CFDP1: variants seen among roughly 807,000 people sequenced by gnomAD.
CFDP1 encodes the protein chromatin remodeling protein CFDP1.
Under a neutral mutation model 40.1 loss-of-function variants are expected in CFDP1, and 31 were observed. The ratio of observed to expected loss-of-function variants is 0.77; its 90% CI spans 0.58 to 1.04. The LOEUF is 1.04. Ranked by LOEUF, CFDP1 falls within the 50% of genes least tolerant of loss-of-function variation. The pLI is 0.00. For missense variants in CFDP1, 423 were observed against 343.4 expected (o/e 1.23, Z -1.83); for synonymous variants, 167 against 120.0 (o/e 1.39, Z -2.56).
intron 5 of CFDP1, among the ~76,000 whole-genome samples, chr16:75,307,366 C>T (rs1303000746): frequency 6.6e-6 from 1 of 151,952 alleles, no homozygotes; most frequent in African/African-American, 2.4e-5. Context: ...CAGGCGCCTG[C>T]CACCACACCT....
intron 1 of CFDP1, among the ~76,000 whole-genome samples, chr16:75,425,909 G>A (rs1270045630): frequency 1.3e-5 from 2 of 150,726 alleles, no homozygotes; most frequent in African/African-American, 2.4e-5. Context: ...GGTGGCAGGC[G>A]CCTATAATCC....
intron 1 of CFDP1, among the ~76,000 whole-genome samples, chr16:75,420,212 G>A (rs2079262532): frequency 6.6e-6 from 1 of 151,630 alleles, no homozygotes; most frequent in South Asian, 2.1e-4. Context: ...AAGTTCCAAA[G>A]GAAAAAACAA....
intron 4 of CFDP1, 49 bp from the exon 5 acceptor site, chr16:75,395,258 G>A (rs1264433399): frequency 1.3e-6 from 2 of 1,594,142 alleles, no homozygotes; most frequent in Admixed American, 3.5e-5. Context: ...TAAAGAGAAA[G>A]AAACAAGCTA....
chr16:75,369,365 A>C (rs963135291), intron 5 of CFDP1, among the ~76,000 whole-genome samples: 1 of 152,006 alleles, frequency 6.6e-6, no homozygotes, highest in Non-Finnish European at 1.5e-5. Context: ...CCTTAGCAAT[A>C]TAGCAAAAGT....
At chr16:75,294,229 G>A (rs1018018986) in intron 6 of CFDP1, among the ~76,000 whole-genome samples, 187 bp from the exon 7 acceptor site, 2 of 152,168 alleles carry the variant, frequency 1.3e-5, no homozygotes, top group African/African-American at 4.8e-5. Context: ...ATAAAAGGAA[G>A]GCAACAGCTT....
intron 1 of CFDP1, among the ~76,000 whole-genome samples, chr16:75,422,502 C>G (rs185385659): frequency 2.0e-5 from 3 of 149,656 alleles, no homozygotes; most frequent in East Asian, 4.0e-4. Flanking sequence ...TCAAGTGATT[C>G]TCCTGCCTCA....
intron 4 of CFDP1, among the ~76,000 whole-genome samples, chr16:75,395,527 C>T (rs547949595): frequency 4.5e-4 from 68 of 152,004 alleles, no homozygotes; most frequent in Non-Finnish European, 7.1e-4. Context: ...GGCGTGGTGG[C>T]GGGCGCCTGT....
intron 5 of CFDP1, among the ~76,000 whole-genome samples, chr16:75,351,042 C>T (rs2078606964): frequency 6.6e-6 from 1 of 151,956 alleles, no homozygotes; most frequent in Admixed American, 6.5e-5. Flanking sequence ...CCAATTTAAA[C>T]CATTTGTACT....
chr16:75,335,817 A>T (rs1367671370), intron 5 of CFDP1, among the ~76,000 whole-genome samples: 2 of 152,024 alleles, frequency 1.3e-5, no homozygotes, highest in East Asian at 1.9e-4. Flanking sequence ...CGGCCTCCCA[A>T]AGTGCTGGGA....
intron 1 of CFDP1, among the ~76,000 whole-genome samples, chr16:75,432,176 T>C (rs375226196): frequency 1.3e-5 from 2 of 150,332 alleles, no homozygotes; most frequent in African/African-American, 2.4e-5. Context: ...TCCCAAAGTG[T>C]TGGGATTACA....
At chr16:75,426,872 T>C (rs542511614) in intron 1 of CFDP1, among the ~76,000 whole-genome samples, 1 of 151,986 alleles carries the variant, frequency 6.6e-6, no homozygotes, top group East Asian at 1.9e-4. Context: ...CTGGCAAACA[T>C]GGTGAAACCC....
chr16:75,332,636 C>T (rs925437019), intron 5 of CFDP1, among the ~76,000 whole-genome samples: 4 of 151,612 alleles, frequency 2.6e-5, no homozygotes, highest in African/African-American at 7.3e-5. Context: ...CACTACACCA[C>T]AGCCTGGGCA....
intron 5 of CFDP1, among the ~76,000 whole-genome samples, chr16:75,380,829 A>G (rs2078846495): frequency 1.3e-5 from 2 of 152,202 alleles, no homozygotes; most frequent in African/African-American, 2.4e-5. Flanking sequence ...ACCAGGTCAT[A>G]TAAGATCACA....
chr16:75,336,687 G>A (rs1219267841), intron 5 of CFDP1, among the ~76,000 whole-genome samples: 1 of 152,176 alleles, frequency 6.6e-6, no homozygotes, highest in East Asian at 1.9e-4. Context: ...TTATTCCATT[G>A]TAGGGAAGAA....
intron 4 of CFDP1, among the ~76,000 whole-genome samples, chr16:75,400,919 T>G (rs572015100): frequency 6.6e-6 from 1 of 152,226 alleles, no homozygotes; most frequent in Non-Finnish European, 1.5e-5. Context: ...TAGGGGGAAG[T>G]TGTCAACAAT....
intron 5 of CFDP1, among the ~76,000 whole-genome samples, chr16:75,394,012 G>T (rs908399172): frequency 6.6e-6 from 1 of 151,768 alleles, no homozygotes; most frequent in Non-Finnish European, 1.5e-5. Flanking sequence ...CCGAGATTGC[G>T]CCACTGCACT....
intron 5 of CFDP1, among the ~76,000 whole-genome samples, chr16:75,307,481 T>G (rs563876664): frequency 6.6e-6 from 1 of 152,234 alleles, no homozygotes; most frequent in African/African-American, 2.4e-5. Context: ...CCCCCCAAAG[T>G]GCTGGGATTA....
At chr16:75,426,337 C>T (rs1196445361) in intron 1 of CFDP1, among the ~76,000 whole-genome samples, 5 of 149,694 alleles carry the variant, frequency 3.3e-5, no homozygotes, top group Admixed American at 1.3e-4. Context: ...GCAACAAGAG[C>T]GAAACTCTAT....
At chr16:75,411,552 T>C (rs1047222261) in intron 4 of CFDP1, among the ~76,000 whole-genome samples, 1 of 152,162 alleles carries the variant, frequency 6.6e-6, no homozygotes, top group Non-Finnish European at 1.5e-5. Flanking sequence ...TCACAAAACA[T>C]GGCAATGATC....
Sources: allele counts gnomAD v4.1 joint callset (sites outside exome capture counted in the v4.1 genomes callset), GRCh38; gene constraint gnomAD v4.1.1; transcripts MANE v1.5; gene names NCBI Gene and HGNC (gene_info 2026-07-23, HGNC 2026-07-21).